Variants in ABTB3 observed in about 807,000 individuals in gnomAD.
ABTB3 encodes ankyrin repeat and BTB domain containing 3.
the ABTB3 span, among the ~76,000 whole-genome samples, chr12:107,530,251 G>A: frequency 2.0e-5 from 3 of 152,160 alleles, no homozygotes; most frequent in African/African-American, 7.2e-5. Flanking sequence ...TGGAGTAGGG[G>A]CTCCAAATGA....
the ABTB3 span, among the ~76,000 whole-genome samples, chr12:107,403,914 G>A: frequency 6.6e-6 from 1 of 152,122 alleles, no homozygotes; most frequent in Non-Finnish European, 1.5e-5. Flanking sequence ...TGTAATCCCA[G>A]CACTTTGGGA....
the ABTB3 span, among the ~76,000 whole-genome samples, chr12:107,486,246 A>C: frequency 1.3e-5 from 2 of 152,132 alleles, no homozygotes; most frequent in African/African-American, 4.8e-5. Flanking sequence ...CTTGAGGGAC[A>C]TGTTCAGACC....
chr12:107,401,914 G>GTTT, the ABTB3 span, among the ~76,000 whole-genome samples: 3,052 of 130,822 alleles, frequency 0.023, 113 homozygotes, highest in African/African-American at 0.041. Context: ...ACCGCTTAGG[G>GTTT]TTTTTTTTTT....
the ABTB3 span, among the ~76,000 whole-genome samples, chr12:107,444,015 G>A: frequency 0.072 from 10,926 of 152,188 alleles, 1,257 homozygotes; most frequent in African/African-American, 0.24. Flanking sequence ...CCTCAGCTTC[G>A]AGTCTCCAGA....
chr12:107,608,194 TC>T, the ABTB3 span, among the ~76,000 whole-genome samples: 1 of 152,096 alleles, frequency 6.6e-6, no homozygotes, highest in Admixed American at 6.5e-5. Flanking sequence ...CTCTGCTCCA[TC>T]CCAGTAGCCA....
chr12:107,383,969 C>T, the ABTB3 span, among the ~76,000 whole-genome samples: 129 of 152,276 alleles, frequency 8.5e-4, 1 homozygote, highest in East Asian at 8.9e-3. Context: ...TGGCTCCAAG[C>T]GCCCAGGTGT....
the ABTB3 span, among the ~76,000 whole-genome samples, chr12:107,487,560 C>A: frequency 2.3e-4 from 35 of 152,106 alleles, no homozygotes; most frequent in Non-Finnish European, 1.2e-4. Flanking sequence ...GACTTGGCTG[C>A]CTTTTCAAAA....
chr12:107,601,585 C>T, the ABTB3 span, among the ~76,000 whole-genome samples: 1 of 152,172 alleles, frequency 6.6e-6, no homozygotes, highest in African/African-American at 2.4e-5. Context: ...TTTGGCAGCA[C>T]ATCACTAAGA....
chr12:107,467,811 C>T, the ABTB3 span, among the ~76,000 whole-genome samples: 1 of 152,172 alleles, frequency 6.6e-6, no homozygotes, highest in African/African-American at 2.4e-5. Context: ...AAGGTCCCTC[C>T]TTTTGTTTAC....
At chr12:107,422,311 G>A in the ABTB3 span, among the ~76,000 whole-genome samples, 3 of 152,282 alleles carry the variant, frequency 2.0e-5, no homozygotes, top group African/African-American at 7.2e-5. Flanking sequence ...AGGGAGATGG[G>A]TCAGAGAGGG....
chr12:107,578,000 G>T, the ABTB3 span, among the ~76,000 whole-genome samples: 1 of 151,338 alleles, frequency 6.6e-6, no homozygotes, highest in African/African-American at 2.4e-5. Context: ...GTGGAACATT[G>T]TTCTCTTAAA....
At chr12:107,437,366 T>C in the ABTB3 span, among the ~76,000 whole-genome samples, 8 of 151,184 alleles carry the variant, frequency 5.3e-5, no homozygotes, top group Non-Finnish European at 8.8e-5. Context: ...CTCTCTTGTC[T>C]CTCAAATCTC....
the ABTB3 span, among the ~76,000 whole-genome samples, chr12:107,349,094 C>T: frequency 6.6e-6 from 1 of 152,220 alleles, no homozygotes; most frequent in South Asian, 2.1e-4. Flanking sequence ...GTGCCCTCTA[C>T]TCACTCATAG....
At chr12:107,318,663 A>G in the ABTB3 span, 89,736 of 435,004 alleles carry the variant, frequency 0.21, 11,299 homozygotes, top group African/African-American at 0.43. Flanking sequence ...AGAAAGGGGC[A>G]AGCCCCGGCG....
the ABTB3 span, among the ~76,000 whole-genome samples, chr12:107,569,402 A>G: frequency 6.6e-6 from 1 of 152,214 alleles, no homozygotes; most frequent in African/African-American, 2.4e-5. Flanking sequence ...GGTTGGGTTA[A>G]CTATGGTAAG....
At chr12:107,642,401 CA>C in the ABTB3 span, among the ~76,000 whole-genome samples, 1 of 152,144 alleles carries the variant, frequency 6.6e-6, no homozygotes, top group Non-Finnish European at 1.5e-5. Flanking sequence ...GCTGGGGACA[CA>C]AGGATAAAGG....
At chr12:107,321,642 T>G in the ABTB3 span, among the ~76,000 whole-genome samples, 1 of 151,072 alleles carries the variant, frequency 6.6e-6, no homozygotes, top group African/African-American at 2.4e-5. Flanking sequence ...TCCTGAAATA[T>G]CGACTAAGAT....
the ABTB3 span, among the ~76,000 whole-genome samples, chr12:107,582,758 G>A: frequency 6.6e-6 from 1 of 152,174 alleles, no homozygotes; most frequent in Non-Finnish European, 1.5e-5. Context: ...TCCAGCCTCT[G>A]CCACCGGACT....
chr12:107,326,189 GC>G, the ABTB3 span, among the ~76,000 whole-genome samples: 246 of 152,350 alleles, frequency 1.6e-3, no homozygotes, highest in African/African-American at 5.6e-3. Flanking sequence ...ACAGGCATGA[GC>G]CCCCGTGCCT....
Sources: allele counts gnomAD v4.1 joint callset (sites outside exome capture counted in the v4.1 genomes callset), GRCh38; gene constraint gnomAD v4.1.1; transcripts MANE v1.5; gene names NCBI Gene and HGNC (gene_info 2026-07-23, HGNC 2026-07-21).